Variants in PLEKHA1 observed in about 807,000 individuals in gnomAD.
PLEKHA1 encodes pleckstrin homology domain containing A1.
A neutral mutation model predicts 52.0 loss-of-function variants in PLEKHA1; 34 were observed. The observed-to-expected ratio is 0.65, with a 90% CI of 0.50 to 0.87. PLEKHA1 has a LOEUF of 0.87. PLEKHA1 is among the 40% of genes least tolerant of loss of function. The probability of loss-of-function intolerance (pLI) is 0.00; values close to 1 mark genes in which losing one functional copy is unlikely to be tolerated. For synonymous variants in PLEKHA1, 163 were observed against 170.7 expected, an observed-to-expected ratio of 0.95 and a Z score of 0.35; for missense variants, 497 against 504.2, an observed-to-expected ratio of 0.99 and a Z score of 0.14.
intron 8 of PLEKHA1, chr10:122,423,129 A>ATTTT (rs1565313870): frequency 1.6e-4 from 22 of 136,822 alleles, no homozygotes; most frequent in African/African-American, 5.8e-4. Context: ...TTTTTTTTTA[A>ATTTT]AAAAGCACTC....
the PLEKHA1 span, chr10:122,439,866 T>A: frequency 6.6e-6 from 1 of 152,250 alleles, no homozygotes. Flanking sequence ...TCTATGAGAA[T>A]TGATATGCTT....
intron 1 of PLEKHA1, among the ~76,000 whole-genome samples, chr10:122,379,886 T>G (rs970270335): frequency 6.6e-6 from 1 of 152,238 alleles, no homozygotes; most frequent in Non-Finnish European, 1.5e-5. Flanking sequence ...CCTTATTTTT[T>G]GGCTTCCTGG....
Position 122,429,645 on chromosome 10 carries a change from G to C in PLEKHA1, c.922G>C (p.Glu308Gln). The C allele has an allele frequency of 6.2e-7, 1 of 1,613,932 alleles. No homozygotes were observed. Among genetic ancestry groups the C allele is most frequent in the Non-Finnish European group, 8.5e-7 (1 of 1,179,924 alleles). Reference sequence around the variant, plus strand: ...GCAGGAGCATCCCCCCGGTCCTTCAGAATCCAAACACGCTTTCCGTCCTAC... The same window carrying C: ...GCAGGAGCATCCCCCCGGTCCTTCACAATCCAAACACGCTTTCCGTCCTAC... ...ASSEHPPGPS[E>Q]SKHAFRPTNA... The change falls in exon 12 of 12, where the codon GAA (glutamate) becomes CAA (glutamine). Residue 308 changes from glutamate (E) to glutamine (Q), a missense_variant. Coordinates refer to ENST00000368990, the MANE Select transcript of PLEKHA1 (RefSeq NM_001001974.4).
At chr10:122,380,257 C>A (rs574596432) in intron 1 of PLEKHA1, among the ~76,000 whole-genome samples, 2 of 152,288 alleles carry the variant, frequency 1.3e-5, no homozygotes, top group South Asian at 4.1e-4. Context: ...GAGGGTCTTG[C>A]ATGTGACAGC....
chr10:122,399,131 T>A (rs1039236733), intron 3 of PLEKHA1, among the ~76,000 whole-genome samples: 3 of 152,182 alleles, frequency 2.0e-5, no homozygotes, highest in Non-Finnish European at 4.4e-5. Flanking sequence ...CAGTTTGTAC[T>A]CTACTTTGGA....
rs546691644 is a variant in PLEKHA1, at chr10:122,382,679, A to C, written c.-21+7873A>C. 1.5e-4 allele frequency among the ~76,000 whole-genome samples: 23 copies of C among 152,280 alleles called. No homozygotes were observed. The East Asian group carries it at 3.7e-3, about 24-fold the overall frequency. ...TATCTTCAGAAATGATGTAGTTCAT[A>C]TTATTTCTAATTCAGATGTATTGTA... On this transcript the variant is annotated intron_variant, in intron 1 of 11. Coordinates refer to ENST00000368990, the MANE Select transcript of PLEKHA1 (RefSeq NM_001001974.4).
intron 8 of PLEKHA1, chr10:122,423,143 G>C (rs2097285862): frequency 6.8e-6 from 1 of 147,444 alleles, no homozygotes; most frequent in African/African-American, 2.5e-5. Context: ...AGCACTCCCA[G>C]CTGGGCGTGG....
At position 122,416,115 on chromosome 10, in the gene PLEKHA1, C is replaced by G. The variant is rs568933704; in HGVS notation, c.612+113C>G. Reference sequence around the variant, plus strand: ...TTATGAAAGACCCAAAGTGAGAGACCGGCATGCTGAGGAGAGTCAGGAGAT... The same window carrying G: ...TTATGAAAGACCCAAAGTGAGAGACGGGCATGCTGAGGAGAGTCAGGAGAT... On this transcript the variant is annotated intron_variant, in intron 7 of 11. Coordinates refer to ENST00000368990, the MANE Select transcript of PLEKHA1 (RefSeq NM_001001974.4). The G allele has an allele frequency of 1.5e-4, 174 of 1,190,802 alleles. 1 individual carries two copies. Among genetic ancestry groups the G allele is most frequent in the Middle Eastern group, 2.6e-4 (1 of 3,854 alleles). The allele number at this position is 1,190,802 out of a possible 1,614,324, so 73.8% of individuals were successfully genotyped here. A position where few individuals can be genotyped will look rare whatever the true frequency, so the allele number is the denominator to read the frequency against.
chr10:122,405,054 G>T (rs928775751), intron 4 of PLEKHA1, among the ~76,000 whole-genome samples: 1 of 152,142 alleles, frequency 6.6e-6, no homozygotes, highest in Admixed American at 6.6e-5. Context: ...AATGCAGATG[G>T]TGTATAATAA....
intron 10 of PLEKHA1, 43 bp from the exon 11 acceptor site, chr10:122,426,899 A>C (rs1426999162): frequency 6.6e-7 from 1 of 1,518,266 alleles, no homozygotes; most frequent in Non-Finnish European, 9.1e-7. Context: ...GAAGTAGGTG[A>C]TTTTGAGAAA....
In PLEKHA1 at chr10:122,396,906, T is replaced by TA. The variant is rs1590451867; in HGVS notation, c.142-1010dup. Among the ~76,000 whole-genome samples, 11 of 152,222 alleles carry TA rather than the reference T, an allele frequency of 7.2e-5. No individual in the cohort carries two copies. In the East Asian group the frequency reaches 2.1e-3, roughly 29 times the overall value. Reference sequence around the variant, plus strand: ...CTTCTATAATCCCTTCAGTTTATTATAAGATATATTATAAAAAGAGCATAA... The same window carrying TA: ...CTTCTATAATCCCTTCAGTTTATTATAAAGATATATTATAAAAAGAGCATAA... On this transcript the variant is annotated intron_variant, in intron 2 of 11. Coordinates refer to ENST00000368990, the MANE Select transcript of PLEKHA1 (RefSeq NM_001001974.4).
chr10:122,424,937 C>T lies in PLEKHA1; in HGVS notation c.788C>T (p.Thr263Met), dbSNP rs145549006. Residue 263 changes from threonine (T) to methionine (M), a missense_variant, in exon 10 of 12, where the codon ACG (threonine) becomes ATG (methionine). Transcript: ENST00000368990. ...MRDNLFEIVT[T>M]SRTFYVQADS... is the part of the protein sequence containing the mutation. ...GACAACCTCTTTGAAATTGTAACAA[C>T]GTCTCGAACTTTCTATGTGCAGGTA... 2.1e-4 allele frequency: 337 copies of T among 1,608,190 alleles called. No homozygotes were observed. Among genetic ancestry groups the T allele is most frequent in the Non-Finnish European group, 2.7e-4 (321 of 1,177,246 alleles).
At chr10:122,410,041 C>T (rs2097085807) in intron 5 of PLEKHA1, among the ~76,000 whole-genome samples, 1 of 152,154 alleles carries the variant, frequency 6.6e-6, no homozygotes, top group Admixed American at 6.5e-5. Context: ...GCTTGGCCTC[C>T]CAAAGTGCTG....
intron 1 of PLEKHA1, among the ~76,000 whole-genome samples, chr10:122,385,647 G>A (rs1400117379): frequency 1.3e-5 from 2 of 152,078 alleles, no homozygotes; most frequent in East Asian, 1.9e-4. Context: ...TTAATATTAC[G>A]ATTTTGAGAT....
Position 122,415,848 on chromosome 10 carries a change from C to T in PLEKHA1, c.469-11C>T. On this transcript the variant is annotated splice_polypyrimidine_tract_variant and intron_variant, in intron 6 of 11. Coordinates refer to ENST00000368990, the MANE Select transcript of PLEKHA1 (RefSeq NM_001001974.4). Reference sequence around the variant, plus strand: ...GCAAGAAAATAATTTATTTATTTTGCTTCATTTTAGAAAGAAGAAGTAAAT... The same window carrying T: ...GCAAGAAAATAATTTATTTATTTTGTTTCATTTTAGAAAGAAGAAGTAAAT... The T allele has an allele frequency of 6.3e-7, 1 of 1,597,412 alleles. No homozygotes were observed. The highest frequency in any genetic ancestry group is 8.6e-7 in the Non-Finnish European group (1 of 1,168,818).
At position 122,397,956 on chromosome 10, in the gene PLEKHA1, G is replaced by T; in HGVS notation, c.180G>T (p.Lys60Asn). Residue 60 changes from lysine to asparagine, a missense_variant, in exon 3 of 12, where the codon AAG becomes AAT. Lys to Asn is a moderately conservative substitution (Grantham distance 94, BLOSUM62 0). Coordinates refer to ENST00000368990, the MANE Select transcript of PLEKHA1 (RefSeq NM_001001974.4). ...PSGSSRVGAI[K>N]LTYISKVSDA... ...GATCATCACGTGTTGGAGCCATTAA[G>T]CTTACCTACATTTCAAAGGTAGTCT... The T allele has an allele frequency of 6.2e-7, 1 of 1,609,090 alleles. No homozygotes were observed. Among genetic ancestry groups the T allele is most frequent in the South Asian group, 1.1e-5 (1 of 90,580 alleles).
chr10:122,438,044 C>A, the PLEKHA1 span: 24 of 152,278 alleles, frequency 1.6e-4, no homozygotes, highest in African/African-American at 5.5e-4. Flanking sequence ...TAGCTTGAAT[C>A]TAGGAGTTCA....
At chr10:122,413,901 C>A (rs769276735) in intron 6 of PLEKHA1, among the ~76,000 whole-genome samples, 3 of 152,018 alleles carry the variant, frequency 2.0e-5, no homozygotes, top group Non-Finnish European at 4.4e-5. Flanking sequence ...TCTTTTAAAT[C>A]AAATTGTATC....
intron 4 of PLEKHA1, among the ~76,000 whole-genome samples, chr10:122,403,336 T>A (rs2096957749): frequency 6.6e-6 from 1 of 152,104 alleles, no homozygotes; most frequent in Non-Finnish European, 1.5e-5. Flanking sequence ...ACAAAGAATA[T>A]GATAAAATAC....
Sources: gnomAD v4.1 joint callset for allele counts (sites outside exome capture counted in the v4.1 genomes callset) on GRCh38, gnomAD v4.1.1 for gene constraint, MANE v1.5 for transcripts, NCBI Gene and HGNC (gene_info 2026-07-23, HGNC 2026-07-21) for gene names.